Variants in MACROD2 observed in about 807,000 individuals in gnomAD.
MACROD2 encodes the protein ADP-ribose glycohydrolase MACROD2.
MACROD2 carries 36 observed loss-of-function variants against 70.4 expected under a neutral mutation model. The ratio of observed to expected loss-of-function variants is 0.51; its 90% confidence interval spans 0.39 to 0.68. The LOEUF is 0.68. Ranked by LOEUF, MACROD2 falls within the 30% of genes least tolerant of loss-of-function variation. The pLI, the probability that MACROD2 is intolerant of heterozygous loss-of-function variation, is 0.00. For missense variants in MACROD2, 496 were observed against 538.4 expected, an observed-to-expected ratio of 0.92 and a Z score of 0.78; for synonymous variants, 172 against 178.8, an observed-to-expected ratio of 0.96 and a Z score of 0.30.
In MACROD2 at chr20:13,997,439, T is replaced by C. The variant is rs6131544; in HGVS notation, c.46+1630T>C. 2.0e-3 allele frequency among the ~76,000 whole-genome samples: 308 copies of C among 152,322 alleles called. 6 individuals are homozygous for C. The East Asian group carries it at 0.043, about 21-fold the overall frequency. ...ATTGATGATAATGAGGGCAAAACAG[T>C]GGAAGACATAGACATTGTTTTCAGT... is the stretch of plus-strand genomic sequence containing the variant. On this transcript the variant is annotated intron_variant, in intron 1 of 17. Coordinates refer to ENST00000684519, the MANE Select transcript of MACROD2 (RefSeq NM_001351661.2).
chr20:14,169,969 C>G (rs1223708153), intron 3 of MACROD2, among the ~76,000 whole-genome samples: 2 of 152,128 alleles, frequency 1.3e-5, no homozygotes, highest in Non-Finnish European at 2.9e-5. Flanking sequence ...TCACGGCTCA[C>G]TGCAATCTCC....
chr20:14,163,609 T>C (rs2055222818), intron 3 of MACROD2, among the ~76,000 whole-genome samples: 1 of 151,948 alleles, frequency 6.6e-6, no homozygotes, highest in Non-Finnish European at 1.5e-5. Flanking sequence ...CACTTTATGG[T>C]ATCCTATGTC....
At chr20:14,953,551 C>T (rs2074492867) in intron 5 of MACROD2, among the ~76,000 whole-genome samples, 1 of 152,118 alleles carries the variant, frequency 6.6e-6, no homozygotes, top group Admixed American at 6.5e-5. Context: ...ATGGTCCGCC[C>T]ACCTCGGCCT....
chr20:15,194,169 C>T (rs144303157), intron 5 of MACROD2, among the ~76,000 whole-genome samples: 1 of 139,118 alleles, frequency 7.2e-6, no homozygotes, highest in East Asian at 2.2e-4. Flanking sequence ...TTGCTTGAAC[C>T]CAGGAGGCAG....
chr20:15,834,256 C>A (rs1456634959), intron 8 of MACROD2, among the ~76,000 whole-genome samples: 2 of 152,190 alleles, frequency 1.3e-5, no homozygotes, highest in Non-Finnish European at 2.9e-5. Flanking sequence ...ACGAGAATCC[C>A]TCGAACCCAG....
At chr20:15,066,950 G>A (rs148425264) in intron 5 of MACROD2, among the ~76,000 whole-genome samples, 7 of 150,248 alleles carry the variant, frequency 4.7e-5, no homozygotes, top group Admixed American at 2.6e-4. Context: ...TTTTAAATTC[G>A]TGCAATATGA....
chr20:14,511,431 A>G (rs1441077175), intron 4 of MACROD2, among the ~76,000 whole-genome samples: 1 of 152,088 alleles, frequency 6.6e-6, no homozygotes, highest in East Asian at 1.9e-4. Flanking sequence ...AAACATTTAA[A>G]AATTAAAAAA....
intron 3 of MACROD2, among the ~76,000 whole-genome samples, chr20:14,422,537 C>A (rs567574450): frequency 2.3e-4 from 35 of 151,874 alleles, no homozygotes; most frequent in African/African-American, 8.2e-4. Context: ...TAGTGAAAAG[C>A]TTTGATTCCT....
At chr20:15,001,102 G>A (rs1022095549) in intron 5 of MACROD2, among the ~76,000 whole-genome samples, 3 of 152,144 alleles carry the variant, frequency 2.0e-5, no homozygotes, top group Non-Finnish European at 4.4e-5. Flanking sequence ...ATAATGGTGG[G>A]GTTCTGGACG....
intron 5 of MACROD2, among the ~76,000 whole-genome samples, chr20:14,897,216 A>G (rs941055191): frequency 3.9e-5 from 6 of 152,164 alleles, no homozygotes; most frequent in African/African-American, 1.4e-4. Flanking sequence ...GACTGACTGC[A>G]GACAGGTTTC....
intron 5 of MACROD2, among the ~76,000 whole-genome samples, chr20:15,168,729 C>T (rs2076403507): frequency 6.6e-6 from 1 of 152,034 alleles, no homozygotes; most frequent in Non-Finnish European, 1.5e-5. Context: ...TTCCTGTAGT[C>T]CCAGATACTT....
chr20:14,050,936 G>C (rs1489701712), intron 2 of MACROD2, among the ~76,000 whole-genome samples: 1 of 152,198 alleles, frequency 6.6e-6, no homozygotes, highest in African/African-American at 2.4e-5. Flanking sequence ...CTTCAGAGGA[G>C]ACAGGAGGAG....
intron 3 of MACROD2, among the ~76,000 whole-genome samples, chr20:14,473,185 T>G (rs1377742250): frequency 1.3e-5 from 2 of 152,170 alleles, no homozygotes; most frequent in Non-Finnish European, 2.9e-5. Flanking sequence ...TACTTTGAAG[T>G]ATGTAATGTA....
At chr20:15,238,810 T>C (rs62205165) in intron 6 of MACROD2, among the ~76,000 whole-genome samples, 15,203 of 152,224 alleles carry the variant, frequency 0.1, 1,021 homozygotes, top group Non-Finnish European at 0.15. Flanking sequence ...ACATAATTAT[T>C]TTCTGTTCTT....
At chr20:15,678,076 T>G (rs2050094900) in intron 8 of MACROD2, among the ~76,000 whole-genome samples, 1 of 151,474 alleles carries the variant, frequency 6.6e-6, no homozygotes, top group Non-Finnish European at 1.5e-5. Flanking sequence ...AAAAAAAATG[T>G]ATTTCAAGTT....
intron 7 of MACROD2, among the ~76,000 whole-genome samples, chr20:15,496,357 T>G (rs1359093761): frequency 6.6e-6 from 1 of 152,110 alleles, no homozygotes; most frequent in Non-Finnish European, 1.5e-5. Flanking sequence ...AAGCGCGGGG[T>G]GGGTCACTCT....
chr20:14,509,705 G>T (rs185834358), intron 4 of MACROD2, among the ~76,000 whole-genome samples: 1 of 151,926 alleles, frequency 6.6e-6, no homozygotes, highest in East Asian at 1.9e-4. Flanking sequence ...GTTAATACAA[G>T]TTAAAAGCTC....
chr20:15,417,499 T>C (rs905927342), intron 6 of MACROD2, among the ~76,000 whole-genome samples: 4 of 148,502 alleles, frequency 2.7e-5, no homozygotes, highest in Middle Eastern at 3.3e-3. Flanking sequence ...CTGGGGAGGC[T>C]GAGATGGGAG....
chr20:15,575,508 G>A (rs1187722642), intron 8 of MACROD2, among the ~76,000 whole-genome samples: 1 of 152,194 alleles, frequency 6.6e-6, no homozygotes, highest in Non-Finnish European at 1.5e-5. Flanking sequence ...GCCCTGGGCA[G>A]TGGAGGCAGA....
Sources: gnomAD v4.1 joint callset for allele counts (sites outside exome capture counted in the v4.1 genomes callset) on GRCh38, gnomAD v4.1.1 for gene constraint, MANE v1.5 for transcripts, NCBI Gene and HGNC (gene_info 2026-07-23, HGNC 2026-07-21) for gene names.